The following ATP8B2 variants were observed in gnomAD, a reference collection of about 807,000 sequenced individuals.
The protein encoded by ATP8B2 is ATPase phospholipid transporting 8B2, also known as phospholipid-transporting ATPase ID.
A neutral mutation model predicts 133.4 loss-of-function variants in ATP8B2; 70 were observed. The observed-to-expected ratio is 0.52, with a 90% CI of 0.43 to 0.64. The LOEUF is 0.64. Ranked by LOEUF, ATP8B2 falls within the 30% of genes least tolerant of loss-of-function variation. The pLI is 0.00. For missense variants in ATP8B2, 1,101 were observed against 1,535.7 expected (o/e 0.72, Z 4.73); for synonymous variants, 517 against 589.5 (o/e 0.88, Z 1.78).
Position 154,334,301 on chromosome 1 carries a change from A to C in ATP8B2, c.748+36A>C. On this transcript the variant is annotated intron_variant, in intron 10 of 27. Transcript: ENST00000368489. The surrounding 1 kb of genome is among the most constrained non-coding windows in gnomAD (Gnocchi z 4.6). ...TAGCATCCAAAGAAAGAAGGGTAAG[A>C]GTGACTCAGCCAGCCCTCACTCAGG... The C allele has an allele frequency of 1.2e-6, 2 of 1,608,782 alleles. No individual in the cohort carries two copies. The highest frequency in any genetic ancestry group is 8.5e-7 in the Non-Finnish European group (1 of 1,175,742).
chr1:154,329,972 C>G (rs1246855814), intron 2 of ATP8B2, among the ~76,000 whole-genome samples: 2 of 152,090 alleles, frequency 1.3e-5, no homozygotes, highest in Admixed American at 6.5e-5. Flanking sequence ...AGCAGTACCG[C>G]GACTAGATCT....
In ATP8B2 at chr1:154,331,404, C is replaced by T. The variant is rs559080963; in HGVS notation, c.304-40C>T. 60 of 1,597,618 alleles carry T rather than the reference C, an allele frequency of 3.8e-5. No individual in the cohort carries two copies. Among genetic ancestry groups the T allele is most frequent in the Admixed American group, 1.2e-4 (7 of 59,970 alleles). On this transcript the variant is annotated intron_variant, in intron 5 of 27. Transcript: ENST00000368489. This position sits in a 1 kb window ranked among gnomAD's most constrained non-coding sequence, Gnocchi z 4.8. ...TACTGATCAACGAATTCCTTCGAGG[C>T]GGGGGAAGGTGTCTTACCTTTCAGT... is the stretch of plus-strand genomic sequence containing the variant.
intron 26 of ATP8B2, 100 bp from the exon 27 acceptor site, chr1:154,348,308 G>GACTT (rs1686660988): frequency 1.5e-6 from 2 of 1,324,214 alleles, no homozygotes; most frequent in Non-Finnish European, 2.0e-6. Flanking sequence ...AGCCAGAGGT[G>GACTT]ACTTAGGCTT....
In ATP8B2 at chr1:154,341,001, G is replaced by A. The variant is rs770536276; in HGVS notation, c.1182G>A (p.Thr394=). 3.1e-6 allele frequency: 5 copies of A among 1,613,992 alleles called. No homozygotes were observed. The highest frequency in any genetic ancestry group is 3.3e-5 in the Admixed American group (2 of 59,986). The change falls in exon 13 of 28, where the codon ACG becomes ACA. Residue 394 remains threonine (T), a synonymous_variant. Transcript: ENST00000368489. Reference sequence around the variant, plus strand: ...TGGAGTACATCTTCTCCGACAAGACGGGCACCCTCACCCAGAACATCATGG... The same window carrying A: ...TGGAGTACATCTTCTCCGACAAGACAGGCACCCTCACCCAGAACATCATGG... The part of the protein sequence containing the change: ...GQVEYIFSDK[T]GTLTQNIMVF...
rs1039959000 is a variant in ATP8B2, at chr1:154,334,391, A to G, written c.749-112A>G. 1 of 1,513,228 alleles carries G rather than the reference A, an allele frequency of 6.6e-7. No homozygotes were observed. The allele number at this position is 1,513,228 out of a possible 1,614,324, so 93.7% of individuals were successfully genotyped here. ...CTCCAGCTGTGTATACAGGCTTCTT[A>G]TCTAGCCAGTATCTCTATTCCACCC... On this transcript the variant is annotated intron_variant, in intron 10 of 27. Coordinates refer to ENST00000368489, the MANE Select transcript of ATP8B2 (RefSeq NM_001370597.1). The surrounding 1 kb of genome is among the most constrained non-coding windows in gnomAD (Gnocchi z 4.6).
chr1:154,341,385 CAGGAGGCT>C (rs1558273033), intron 13 of ATP8B2: 1 of 389,460 alleles, frequency 2.6e-6, no homozygotes. Flanking sequence ...GCCAGTGACT[CAGGAGGCT>C]GAGATGGGAG....
In ATP8B2 at chr1:154,328,958, G is replaced by T; in HGVS notation, c.31+786G>T. 3.8e-6 allele frequency: 5 copies of T among 1,303,936 alleles called. No individual in the cohort carries two copies. Among genetic ancestry groups the T allele is most frequent in the Middle Eastern group, 2.2e-4 (1 of 4,606 alleles). The allele number at this position is 1,303,936 out of a possible 1,614,324, so 80.8% of individuals were successfully genotyped here. ...CCACTAAGGCCAAGGACATATAGACGGTCTGCCCTCCCCCACTCAAACCGG... is the reference window on the plus strand; with the variant it reads ...CCACTAAGGCCAAGGACATATAGACTGTCTGCCCTCCCCCACTCAAACCGG... On this transcript the variant is annotated intron_variant, in intron 2 of 27. Coordinates refer to ENST00000368489, the MANE Select transcript of ATP8B2 (RefSeq NM_001370597.1). The surrounding 1 kb of genome is among the most constrained non-coding windows in gnomAD (Gnocchi z 4.6).
Position 154,342,900 on chromosome 1 carries a change from G to C in ATP8B2, c.1392G>C (p.Thr464=). 6.8e-6 allele frequency: 11 copies of C among 1,614,086 alleles called. No individual in the cohort carries two copies. Among genetic ancestry groups the C allele is most frequent in the Non-Finnish European group, 9.3e-6 (11 of 1,180,004 alleles). ...CTGTCAAGATCGGGGACCCCCACAC[G>C]CATGAGTTCTTCCGCCTCCTTTCCC... is the stretch of plus-strand genomic sequence containing the variant. ...LEAVKIGDPH[T]HEFFRLLSLC... Residue 464 remains threonine (T), a synonymous_variant, in exon 15 of 28, where the codon ACG becomes ACC. Coordinates refer to ENST00000368489, the MANE Select transcript of ATP8B2 (RefSeq NM_001370597.1).
At position 154,343,669 on chromosome 1, in the gene ATP8B2, G is replaced by A. The variant is rs1231696591; in HGVS notation, c.1758+101G>A. The A allele has an allele frequency of 1.0e-5, 12 of 1,180,780 alleles. No homozygotes were observed. Among genetic ancestry groups the A allele is most frequent in the South Asian group, 6.5e-5 (5 of 77,472 alleles). The allele number at this position is 1,180,780 out of a possible 1,614,324, so 73.1% of individuals were successfully genotyped here. A position where few individuals can be genotyped will look rare whatever the true frequency, so the allele number is the denominator to read the frequency against. Reference sequence around the variant, plus strand: ...ATTGTGTAAATTTAAGGTCTACAACGTGATGTTTTGATGTGTATATATAGT... The same window carrying A: ...ATTGTGTAAATTTAAGGTCTACAACATGATGTTTTGATGTGTATATATAGT... On this transcript the variant is annotated intron_variant, in intron 17 of 27. Transcript: ENST00000368489. The surrounding 1 kb of genome is among the most constrained non-coding windows in gnomAD (Gnocchi z 5.8).
chr1:154,342,362 C>A, intron 13 of ATP8B2, 118 bp from the exon 14 acceptor site: 1 of 1,001,942 alleles, frequency 1.0e-6, no homozygotes, highest in Non-Finnish European at 1.6e-6. Flanking sequence ...GACAGCTGCT[C>A]AGCGATTAGG....
rs1686150826 is a variant in ATP8B2 at position 154,335,602 on chromosome 1, G to A, written c.837+1011G>A. On this transcript the variant is annotated intron_variant, in intron 11 of 27. Coordinates refer to ENST00000368489, the MANE Select transcript of ATP8B2 (RefSeq NM_001370597.1). The stretch of plus-strand genomic sequence containing the variant: ...AGTTACTCTGGAGGCTGAGGCGGGG[G>A]GATTGCTTGGCCTGGGAGATTGAGG... Among the ~76,000 whole-genome samples the A allele has an allele frequency of 2.6e-5, 4 of 151,902 alleles. No homozygotes were observed. In the South Asian group the frequency reaches 8.3e-4, roughly 32 times the overall value.
chr1:154,343,183 T>C lies in ATP8B2; in HGVS notation c.1524T>C (p.Phe508=), dbSNP rs779150111. Residue 508 remains phenylalanine (F), a synonymous_variant, in exon 16 of 28, where the codon TTT becomes TTC. Transcript: ENST00000368489. The surrounding 1 kb of genome is among the most constrained non-coding windows in gnomAD (Gnocchi z 5.8). ...TCACCGCAGCCAGGAACTTTGGTTT[T>C]GTTTTCCGCTCTCGCACCCCCAAAA... The part of the protein sequence containing the change: ...ALVTAARNFG[F]VFRSRTPKTI... 6.2e-7 allele frequency: 1 copy of C among 1,614,116 alleles called. No homozygotes were observed. The highest frequency in any genetic ancestry group is 1.1e-5 in the South Asian group (1 of 91,082).
chr1:154,329,640 T>C (rs1450078175), intron 2 of ATP8B2, among the ~76,000 whole-genome samples: 1 of 152,152 alleles, frequency 6.6e-6, no homozygotes, highest in African/African-American at 2.4e-5. Context: ...TAAAGCTAAA[T>C]GTGTGCAGAT....
chr1:154,332,318 GAGGCC>G (rs1394382901), intron 8 of ATP8B2, among the ~76,000 whole-genome samples: 1 of 152,208 alleles, frequency 6.6e-6, no homozygotes, highest in African/African-American at 2.4e-5. Flanking sequence ...AGGATTGCTT[GAGGCC>G]AGGAGTTTGA....
rs1329497027 is a variant in ATP8B2, at chr1:154,348,472, C to T, written c.3228C>T (p.Val1076=). Residue 1076 remains valine, a synonymous_variant, in exon 27 of 28, where the codon GTC becomes GTT. Coordinates refer to ENST00000368489, the MANE Select transcript of ATP8B2 (RefSeq NM_001370597.1). ...TGACCATTGTGCTCACCACAGTCGT[C>T]TGCATCATGCCCGTGGTTGCCTTCC... ...VWLTIVLTTV[V]CIMPVVAFRF... is the part of the protein sequence containing the mutation. 1.9e-6 allele frequency: 3 copies of T among 1,614,028 alleles called. No individual in the cohort carries two copies. Among genetic ancestry groups the T allele is most frequent in the Admixed American group, 3.3e-5 (2 of 60,002 alleles).
intron 8 of ATP8B2, among the ~76,000 whole-genome samples, 154 bp from the exon 9 acceptor site, chr1:154,332,464 G>A (rs1026300641): frequency 3.3e-5 from 5 of 152,296 alleles, no homozygotes; most frequent in Admixed American, 6.5e-5. Context: ...AGGCTGAGGC[G>A]GGAGGATTGT....
chr1:154,328,049 G>T lies in ATP8B2; in HGVS notation c.-37-56G>T. 2 of 1,575,886 alleles carry T rather than the reference G, an allele frequency of 1.3e-6. No individual in the cohort carries two copies. Among genetic ancestry groups the T allele is most frequent in the South Asian group, 2.2e-5 (2 of 90,274 alleles). ...GGGTCTTCAAAAGAGGTCTCATGAG[G>T]GGAGGGAAGGGTTATCCTCAGCTTC... On this transcript the variant is annotated intron_variant, in intron 1 of 27. Transcript: ENST00000368489. The surrounding 1 kb of genome is among the most constrained non-coding windows in gnomAD (Gnocchi z 4.6).
Position 154,334,727 on chromosome 1 carries a change from G to A in ATP8B2, c.837+136G>A, listed in dbSNP as rs1012687756. The A allele has an allele frequency of 2.1e-5, 14 of 663,226 alleles. No homozygotes were observed. The highest frequency in any genetic ancestry group is 1.8e-4 in the African/African-American group (10 of 54,528). 41.1% of individuals were successfully genotyped at this position (663,226 alleles called of 1,614,324 possible). On this transcript the variant is annotated intron_variant, in intron 11 of 27. Coordinates refer to ENST00000368489, the MANE Select transcript of ATP8B2 (RefSeq NM_001370597.1). The surrounding 1 kb of genome is among the most constrained non-coding windows in gnomAD (Gnocchi z 4.6). Reference sequence around the variant, plus strand: ...CTGCTAGCAGGTCAGCTACACAAAGGCAGTGTTTATTTTAGGCTCCTTTTA... The same window carrying A: ...CTGCTAGCAGGTCAGCTACACAAAGACAGTGTTTATTTTAGGCTCCTTTTA...
Position 154,346,358 on chromosome 1 carries a change from T to A in ATP8B2, c.2906T>A (p.Phe969Tyr). The A allele has an allele frequency of 6.2e-7, 1 of 1,614,222 alleles. No homozygotes were observed. The highest frequency in any genetic ancestry group is 2.2e-5 in the East Asian group (1 of 44,884). Residue 969 changes from phenylalanine (F) to tyrosine (Y), a missense_variant, in exon 25 of 28, where the codon TTC (phenylalanine) becomes TAC (tyrosine). Phe to Tyr is a conservative substitution (Grantham distance 22, BLOSUM62 3). Transcript: ENST00000368489. The surrounding 1 kb of genome is among the most constrained non-coding windows in gnomAD (Gnocchi z 4.5). ...AQGIYTSVLM[F>Y]FIPYGVFADA... ...GGCATCTACACCTCCGTGCTCATGT[T>A]CTTCATTCCCTATGGGGTGTTTGCT...
Sources: gnomAD v4.1 joint callset for allele counts (sites outside exome capture counted in the v4.1 genomes callset) on GRCh38, gnomAD v4.1.1 for gene constraint, Gnocchi (gnomAD v3.1) non-coding constraint, MANE v1.5 for transcripts, NCBI Gene and HGNC (gene_info 2026-07-23, HGNC 2026-07-21) for gene names.